The following TMX2 variants were observed in gnomAD, a reference collection of about 807,000 sequenced individuals.
TMX2 encodes the protein thioredoxin related transmembrane protein 2.
TMX2 carries 20 observed loss-of-function variants against 33.4 expected under a neutral mutation model. The observed-to-expected ratio is 0.60, with a 90% confidence interval of 0.42 to 0.87. TMX2 has a LOEUF of 0.87. Among genes scored for constraint, TMX2 ranks in the 40% least tolerant of loss-of-function variants. TMX2 has a pLI of 0.00. For missense variants in TMX2, 340 were observed against 370.7 expected (o/e 0.92, Z 0.68); for synonymous variants, 166 against 140.7 (o/e 1.18, Z -1.27).
intron 1 of TMX2, among the ~76,000 whole-genome samples, chr11:57,735,905 G>A (rs1435692019): frequency 6.6e-6 from 1 of 152,184 alleles, no homozygotes; most frequent in African/African-American, 2.4e-5. Context: ...AGGAAGCAAT[G>A]CTGGTTAGTT....
chr11:57,739,999 T>C, intron 7 of TMX2, 100 bp from the exon 8 acceptor site: 1 of 1,554,278 alleles, frequency 6.4e-7, no homozygotes, highest in Non-Finnish European at 8.7e-7. Context: ...CTTTGCTTAC[T>C]CCTTCCTTTC....
chr11:57,728,175 T>G (rs1379469780), intron 1 of TMX2, among the ~76,000 whole-genome samples: 13 of 152,062 alleles, frequency 8.5e-5, no homozygotes, highest in African/African-American at 2.7e-4. Context: ...CACTCTTTTT[T>G]TTTTTGAGAC....
intron 1 of TMX2, among the ~76,000 whole-genome samples, chr11:57,722,290 C>A (rs1397081639): frequency 6.6e-6 from 1 of 152,156 alleles, no homozygotes; most frequent in Non-Finnish European, 1.5e-5. Flanking sequence ...GTGTGAGCCA[C>A]CGCACCCAGC....
chr11:57,714,508 T>G (rs1236775759), intron 1 of TMX2, among the ~76,000 whole-genome samples: 1 of 152,218 alleles, frequency 6.6e-6, no homozygotes, highest in Non-Finnish European at 1.5e-5. Context: ...TTTGTCCAAA[T>G]ATAAGCTTTT....
At chr11:57,720,059 CA>C (rs1482849904) in intron 1 of TMX2, among the ~76,000 whole-genome samples, 3 of 148,966 alleles carry the variant, frequency 2.0e-5, no homozygotes, top group Non-Finnish European at 4.4e-5. Flanking sequence ...GAAGCTGAAG[CA>C]GGTGGATTAC....
chr11:57,722,383 G>A (rs936086010), intron 1 of TMX2, among the ~76,000 whole-genome samples: 2 of 151,236 alleles, frequency 1.3e-5, no homozygotes, highest in Non-Finnish European at 2.9e-5. Flanking sequence ...CACTGCACCC[G>A]GCCCTCTTTC....
In TMX2 at chr11:57,718,499, A is replaced by G; in HGVS notation, c.189+5692A>G. The G allele has an allele frequency of 4.8e-6, 4 of 825,074 alleles. No individual in the cohort carries two copies. In the South Asian group the frequency reaches 5.5e-5, roughly 11 times the overall value. The allele number at this position is 825,074 out of a possible 1,614,324, so 51.1% of individuals were successfully genotyped here. A position where few individuals can be genotyped will look rare whatever the true frequency, so the allele number is the denominator to read the frequency against. On this transcript the variant is annotated intron_variant, in intron 1 of 7. Coordinates refer to ENST00000278422, the MANE Select transcript of TMX2 (RefSeq NM_015959.4). Reference sequence around the variant, plus strand: ...GATGCGGCCCAGGGGCTCACCATCCACGGTGATGTCAAAGAACACGGGGTT... The same window carrying G: ...GATGCGGCCCAGGGGCTCACCATCCGCGGTGATGTCAAAGAACACGGGGTT...
rs527351501 is a variant in TMX2 at position 57,735,483 on chromosome 11, T to C, written c.190-2125T>C. 6.9e-3 allele frequency among the ~76,000 whole-genome samples: 1,046 copies of C among 152,246 alleles called. 12 individuals carry two copies. Among genetic ancestry groups the C allele is most frequent in the Non-Finnish European group, 0.012 (788 of 67,994 alleles). On this transcript the variant is annotated intron_variant, in intron 1 of 7. Transcript: ENST00000278422. Reference sequence around the variant, plus strand: ...ACTTTAGCCTCCCAAAGTGCTGGGATTACAGGCTTGAGCCACAGCACCCGG... The same window carrying C: ...ACTTTAGCCTCCCAAAGTGCTGGGACTACAGGCTTGAGCCACAGCACCCGG...
chr11:57,716,618 A>AC (rs1326983852), intron 1 of TMX2, among the ~76,000 whole-genome samples: 3 of 96,344 alleles, frequency 3.1e-5, no homozygotes, highest in South Asian at 3.9e-4. Context: ...TGGGGGGCTG[A>AC]CCCCCCCACC....
intron 1 of TMX2, among the ~76,000 whole-genome samples, chr11:57,727,374 C>T (rs1948073912): frequency 6.6e-6 from 1 of 152,012 alleles, no homozygotes; most frequent in South Asian, 2.1e-4. Flanking sequence ...TTTCCTAGCA[C>T]GTTGGGACCT....
chr11:57,728,818 G>C (rs1948166490), intron 1 of TMX2, among the ~76,000 whole-genome samples: 1 of 152,152 alleles, frequency 6.6e-6, no homozygotes, highest in East Asian at 1.9e-4. Flanking sequence ...TGGGGGCTTT[G>C]TGGGAGTGTC....
chr11:57,718,189 T>C (rs1590912049), intron 1 of TMX2: 1 of 1,297,706 alleles, frequency 7.7e-7, no homozygotes, highest in East Asian at 2.3e-5. Context: ...CTCTTGGCAG[T>C]GTAGATGAAA....
At chr11:57,721,073 G>A (rs1466450211) in intron 1 of TMX2, among the ~76,000 whole-genome samples, 2 of 151,042 alleles carry the variant, frequency 1.3e-5, no homozygotes, top group South Asian at 4.2e-4. Flanking sequence ...AGGCCAAGGC[G>A]TGTGGATTGC....
At chr11:57,720,974 C>G (rs1023834901) in intron 1 of TMX2, among the ~76,000 whole-genome samples, 2 of 149,046 alleles carry the variant, frequency 1.3e-5, no homozygotes, top group African/African-American at 4.9e-5. Context: ...TGTGTTCTTT[C>G]TGTATCTTTT....
chr11:57,727,969 G>C (rs1590943010), intron 1 of TMX2, among the ~76,000 whole-genome samples: 1 of 152,172 alleles, frequency 6.6e-6, no homozygotes, highest in East Asian at 1.9e-4. Flanking sequence ...CCCGCTTTGA[G>C]TTGTCCTGCC....
chr11:57,735,588 A>T (rs1464485891), intron 1 of TMX2, among the ~76,000 whole-genome samples: 2 of 152,202 alleles, frequency 1.3e-5, no homozygotes, highest in Non-Finnish European at 2.9e-5. Flanking sequence ...CTCCGCTCAG[A>T]AGCTAAAAAC....
At chr11:57,728,688 C>T (rs1000560997) in intron 1 of TMX2, among the ~76,000 whole-genome samples, 1 of 152,078 alleles carries the variant, frequency 6.6e-6, no homozygotes, top group Non-Finnish European at 1.5e-5. Flanking sequence ...TATCTTGATT[C>T]GGTTCATCTG....
chr11:57,715,978 A>C (rs1946970227), intron 1 of TMX2, among the ~76,000 whole-genome samples: 3 of 152,122 alleles, frequency 2.0e-5, no homozygotes, highest in Non-Finnish European at 4.4e-5. Context: ...TCCCGTGTCT[A>C]CTTCTTTCTA....
Position 57,740,514 on chromosome 11 carries a change from T to G in TMX2, c.*269T>G, listed in dbSNP as rs1949020621. Reference sequence around the variant, plus strand: ...TGGTTTCCCTCCAAGCTTGGGTCAGTGTGTTAACTGCTTATCAGCTATTCA... The same window carrying G: ...TGGTTTCCCTCCAAGCTTGGGTCAGGGTGTTAACTGCTTATCAGCTATTCA... On this transcript the variant is annotated 3_prime_UTR_variant, in exon 8 of 8. Transcript: ENST00000278422. 5.4e-6 allele frequency: 2 copies of G among 369,054 alleles called. No individual in the cohort carries two copies. Among genetic ancestry groups the G allele is most frequent in the African/African-American group, 4.3e-5 (2 of 47,008 alleles). 22.9% of individuals were successfully genotyped at this position (369,054 alleles called of 1,614,324 possible).
Sources: gnomAD v4.1 joint callset for allele counts (sites outside exome capture counted in the v4.1 genomes callset) on GRCh38, gnomAD v4.1.1 for gene constraint, MANE v1.5 for transcripts, NCBI Gene and HGNC (gene_info 2026-07-23, HGNC 2026-07-21) for gene names.